Variants in RABGAP1L observed in about 807,000 individuals in gnomAD.
RABGAP1L encodes RAB GTPase activating protein 1 like, also known as rab GTPase-activating protein 1-like.
In RABGAP1L, 63 loss-of-function variants were observed where a neutral mutation model predicts 137.7. The observed-to-expected ratio is 0.46, with a 90% CI of 0.37 to 0.56. RABGAP1L has a LOEUF of 0.56. RABGAP1L is among the 20% of genes least tolerant of loss of function. The pLI is 0.00. For synonymous variants in RABGAP1L, 431 were observed against 433.7 expected (o/e 0.99, Z 0.08); for missense variants, 1,095 against 1,244.0 (o/e 0.88, Z 1.80).
intron 19 of RABGAP1L, among the ~76,000 whole-genome samples, chr1:174,854,715 CTTT>C (rs71117584): frequency 1.8e-5 from 1 of 56,868 alleles, no homozygotes; most frequent in Non-Finnish European, 3.4e-5. Context: ...AATATAAATG[CTTT>C]TTTTTTTTTT....
Position 174,830,579 on chromosome 1 carries a change from C to A in RABGAP1L, c.2340+18619C>A, listed in dbSNP as rs1351084653. Among the ~76,000 whole-genome samples the A allele has an allele frequency of 2.0e-5, 3 of 146,954 alleles. 1 individual carries two copies. Among genetic ancestry groups the A allele is most frequent in the Non-Finnish European group, 4.5e-5 (3 of 66,324 alleles). On this transcript the variant is annotated intron_variant, in intron 19 of 25. Coordinates refer to ENST00000681986, the MANE Select transcript of RABGAP1L (RefSeq NM_001366446.1). ...GCAACCTCTGCCTCCCAGGTTCAAG[C>A]GATTCTCCTTCCTTAGCCTCCCAAC...
intron 19 of RABGAP1L, among the ~76,000 whole-genome samples, chr1:174,834,130 T>C (rs929376432): frequency 9.2e-5 from 14 of 152,190 alleles, no homozygotes; most frequent in African/African-American, 2.2e-4. Context: ...AATCCTGATA[T>C]AGAAGTAAAT....
chr1:174,352,154 ATCTC>A (rs367744091), intron 11 of RABGAP1L, among the ~76,000 whole-genome samples: 2 of 150,456 alleles, frequency 1.3e-5, no homozygotes, highest in African/African-American at 4.9e-5. Context: ...TCTGCAACTG[ATCTC>A]TCTCTCTCTC....
In RABGAP1L at chr1:174,340,028, A is replaced by G. The variant is rs1000076655; in HGVS notation, c.1466-30951A>G. ...ATAAGTTTTATTTTTAAATACTTCT[A>G]TTTGGTTATTAAATTTTTTAGGTTT... On this transcript the variant is annotated intron_variant, in intron 11 of 25. Coordinates refer to ENST00000681986, the MANE Select transcript of RABGAP1L (RefSeq NM_001366446.1). Among the ~76,000 whole-genome samples, 4 of 152,126 alleles carry G rather than the reference A, an allele frequency of 2.6e-5. No individual in the cohort carries two copies. In the East Asian group the frequency reaches 7.7e-4, roughly 29 times the overall value.
At chr1:174,945,687 AT>A (rs1666623273) in intron 19 of RABGAP1L, 1 of 152,218 alleles carries the variant, frequency 6.6e-6, no homozygotes. Flanking sequence ...AGAACCCAGC[AT>A]TATTTGTACA....
intron 11 of RABGAP1L, among the ~76,000 whole-genome samples, chr1:174,347,490 TG>T (rs1376522689): frequency 0.061 from 9,284 of 151,284 alleles, 396 homozygotes; most frequent in Admixed American, 0.091. Context: ...TGTGTGTGTG[TG>T]TGTGTGTGTT....
At chr1:174,441,420 G>A (rs1654132237) in intron 13 of RABGAP1L, among the ~76,000 whole-genome samples, 1 of 152,060 alleles carries the variant, frequency 6.6e-6, no homozygotes, top group African/African-American at 2.4e-5. Context: ...AAAAAGTATG[G>A]TAAGAAAGAA....
At chr1:174,601,294 A>G (rs1021974758) in intron 13 of RABGAP1L, among the ~76,000 whole-genome samples, 1 of 152,218 alleles carries the variant, frequency 6.6e-6, no homozygotes, top group African/African-American at 2.4e-5. Flanking sequence ...GGTCTCTGAC[A>G]TGGCCTGGAG....
At chr1:174,972,853 CAA>C (rs373159573) in intron 21 of RABGAP1L, among the ~76,000 whole-genome samples, 1 of 52,826 alleles carries the variant, frequency 1.9e-5, no homozygotes. Flanking sequence ...GACTCTGTCT[CAA>C]AAAAAAAAAA....
At chr1:174,813,385 C>T (rs989423) in intron 19 of RABGAP1L, among the ~76,000 whole-genome samples, 29,024 of 152,002 alleles carry the variant, frequency 0.19, 3,555 homozygotes, top group East Asian at 0.38. Flanking sequence ...TTTTGAACTA[C>T]GCAACTAGGA....
At chr1:174,451,031 A>G (rs1190871001) in intron 13 of RABGAP1L, among the ~76,000 whole-genome samples, 1 of 152,200 alleles carries the variant, frequency 6.6e-6, no homozygotes, top group Non-Finnish European at 1.5e-5. Context: ...TATTCTATAT[A>G]TCAAAATGAG....
At chr1:174,694,885 T>C (rs1259968913) in intron 15 of RABGAP1L, among the ~76,000 whole-genome samples, 17 of 151,768 alleles carry the variant, frequency 1.1e-4, no homozygotes, top group East Asian at 3.9e-4. Context: ...TTTTAATGAT[T>C]GCCATTCTAA....
chr1:174,386,503 T>G (rs992593939), intron 12 of RABGAP1L, among the ~76,000 whole-genome samples: 1 of 151,248 alleles, frequency 6.6e-6, no homozygotes, highest in Non-Finnish European at 1.5e-5. Context: ...TTGTGTGTGT[T>G]TGTGTTTTCT....
intron 17 of RABGAP1L, among the ~76,000 whole-genome samples, chr1:174,738,425 T>C (rs1683126208): frequency 6.6e-6 from 1 of 152,204 alleles, no homozygotes; most frequent in African/African-American, 2.4e-5. Context: ...ATTTTTCTTA[T>C]TTGACTTCTC....
chr1:174,348,240 C>T (rs974257712), intron 11 of RABGAP1L, among the ~76,000 whole-genome samples: 6 of 149,428 alleles, frequency 4.0e-5, no homozygotes, highest in African/African-American at 7.4e-5. Context: ...CTGATGACAG[C>T]TTAACACTGA....
chr1:174,918,889 G>A (rs914751800), intron 19 of RABGAP1L, among the ~76,000 whole-genome samples: 17 of 152,138 alleles, frequency 1.1e-4, no homozygotes, highest in African/African-American at 3.9e-4. Context: ...AGTGGCATGT[G>A]CTTGTAGTCT....
chr1:174,327,021 G>A (rs1458010008), intron 11 of RABGAP1L, among the ~76,000 whole-genome samples: 1 of 152,086 alleles, frequency 6.6e-6, no homozygotes, highest in Non-Finnish European at 1.5e-5. Flanking sequence ...AAAAGCTGAG[G>A]GAATTCCCTG....
At chr1:174,854,619 C>T (rs1327363673) in intron 19 of RABGAP1L, among the ~76,000 whole-genome samples, 1 of 142,204 alleles carries the variant, frequency 7.0e-6, no homozygotes, top group African/African-American at 2.7e-5. Context: ...CCTAAGCAAG[C>T]AGGAAATGAG....
chr1:174,624,617 G>A (rs1439260212), intron 13 of RABGAP1L, among the ~76,000 whole-genome samples: 3 of 151,992 alleles, frequency 2.0e-5, no homozygotes, highest in African/African-American at 4.8e-5. Context: ...AATTTCTGAG[G>A]TAAGTTAATC....
Sources: gnomAD v4.1 joint callset for allele counts (sites outside exome capture counted in the v4.1 genomes callset) on GRCh38, gnomAD v4.1.1 for gene constraint, MANE v1.5 for transcripts, NCBI Gene and HGNC (gene_info 2026-07-23, HGNC 2026-07-21) for gene names.